MGAT4D: variants seen among roughly 807,000 people sequenced by gnomAD.
The protein encoded by MGAT4D is MGAT4 family member D.
MGAT4D carries 34 observed loss-of-function variants against 15.9 expected under a neutral mutation model. The observed-to-expected ratio is 2.14, with a 90% CI of 1.62 to 2.84. The LOEUF (loss-of-function observed/expected upper bound fraction) is 2.84. Among genes scored for constraint, MGAT4D ranks in the 30% most tolerant of loss-of-function variants. The pLI, the probability that MGAT4D is intolerant of heterozygous loss-of-function variation, is 0.00. For synonymous variants in MGAT4D, 112 were observed against 48.2 expected, an observed-to-expected ratio of 2.33 and a Z score of -5.49; for missense variants, 327 against 140.2, an observed-to-expected ratio of 2.33 and a Z score of -6.73.
At chr4:140,471,185 C>G (rs1157545122) in intron 5 of MGAT4D, among the ~76,000 whole-genome samples, 2 of 151,928 alleles carry the variant, frequency 1.3e-5, no homozygotes, top group African/African-American at 4.8e-5. Flanking sequence ...AGTCACCATG[C>G]CTGGCCCTCC....
intron 1 of MGAT4D, among the ~76,000 whole-genome samples, chr4:140,484,279 A>G (rs1192442751): frequency 3.3e-5 from 5 of 152,228 alleles, no homozygotes; most frequent in African/African-American, 1.2e-4. Flanking sequence ...ATGGCCAAGT[A>G]CATAAAAAAG....
intron 1 of MGAT4D, among the ~76,000 whole-genome samples, chr4:140,489,706 T>C (rs925403291): frequency 1.3e-5 from 2 of 152,232 alleles, no homozygotes; most frequent in African/African-American, 4.8e-5. Context: ...TCATTTTTAC[T>C]GATGTAAAAT....
At chr4:140,458,219 G>T (rs1212034899) in intron 8 of MGAT4D, 1 of 152,144 alleles carries the variant, frequency 6.6e-6, no homozygotes, top group East Asian at 1.9e-4. Flanking sequence ...AGCAATTAAG[G>T]TCTGCCACTC....
chr4:140,475,136 T>G (rs1732229319), intron 3 of MGAT4D, among the ~76,000 whole-genome samples, 190 bp from the exon 4 acceptor site: 1 of 152,172 alleles, frequency 6.6e-6, no homozygotes, highest in Admixed American at 6.6e-5. Context: ...TTTGAGGAAA[T>G]TTGCAGTGGA....
chr4:140,478,532 C>G (rs1365511146), intron 3 of MGAT4D, among the ~76,000 whole-genome samples: 1 of 152,126 alleles, frequency 6.6e-6, no homozygotes, highest in Non-Finnish European at 1.5e-5. Context: ...AGTATGAACT[C>G]AAGAAGTTTC....
Position 140,443,348 on chromosome 4 carries a change from T to C in MGAT4D, c.*88A>G. ...TACTTATCTGCTAGATAATTATGTATTTTCATTACTACAATTTCTGAAACA... is the reference window on the plus strand; with the variant it reads ...TACTTATCTGCTAGATAATTATGTACTTTCATTACTACAATTTCTGAAACA... On this transcript the variant is annotated 3_prime_UTR_variant, in exon 11 of 11. Transcript: ENST00000511113. 1 of 441,408 alleles carries C rather than the reference T, an allele frequency of 2.3e-6. No individual in the cohort carries two copies. The allele number at this position is 441,408 out of a possible 1,614,324, so 27.3% of individuals were successfully genotyped here.
At chr4:140,486,132 T>G (rs1178692703) in intron 1 of MGAT4D, among the ~76,000 whole-genome samples, 2 of 152,096 alleles carry the variant, frequency 1.3e-5, no homozygotes, top group Non-Finnish European at 2.9e-5. Flanking sequence ...CTGGCCTCCT[T>G]GCTGTTCCTC....
rs185279872 is a variant in MGAT4D at position 140,466,555 on chromosome 4, A to T, written c.573-1546T>A. On this transcript the variant is annotated intron_variant, in intron 5 of 10. Coordinates refer to ENST00000511113, the MANE Select transcript of MGAT4D (RefSeq NM_001277353.2). ...TTGATAAAATTTTTAAAAGAAATCAAATCATTAATACTCAATAATTTTAAT... is the reference window on the plus strand; with the variant it reads ...TTGATAAAATTTTTAAAAGAAATCATATCATTAATACTCAATAATTTTAAT... 5.3e-5 allele frequency among the ~76,000 whole-genome samples: 8 copies of T among 152,296 alleles called. No homozygotes were observed. In the East Asian group the frequency reaches 1.5e-3, roughly 29 times the overall value.
chr4:140,478,990 G>A (rs1732521511), intron 3 of MGAT4D, among the ~76,000 whole-genome samples: 1 of 152,110 alleles, frequency 6.6e-6, no homozygotes, highest in Non-Finnish European at 1.5e-5. Context: ...GAGGTTTATA[G>A]GAAAGGCAGG....
chr4:140,493,575 A>G (rs979798663), intron 1 of MGAT4D, among the ~76,000 whole-genome samples: 35 of 152,198 alleles, frequency 2.3e-4, no homozygotes, highest in African/African-American at 7.2e-4. Context: ...GATTACAGGC[A>G]TGAGCCACCG....
intron 9 of MGAT4D, among the ~76,000 whole-genome samples, chr4:140,452,626 C>A (rs1730542939): frequency 6.6e-6 from 1 of 152,024 alleles, no homozygotes; most frequent in Non-Finnish European, 1.5e-5. Context: ...GAGTTGCTTA[C>A]CTGTTTTGAG....
At chr4:140,459,380 G>T (rs914921394) in intron 8 of MGAT4D, 132 bp downstream of exon 8, 1 of 343,764 alleles carries the variant, frequency 2.9e-6, no homozygotes, top group Non-Finnish European at 5.3e-6. Flanking sequence ...ATACTGTTAA[G>T]ATAATAGTGT....
At chr4:140,489,771 A>G (rs1407865115) in intron 1 of MGAT4D, among the ~76,000 whole-genome samples, 4 of 152,228 alleles carry the variant, frequency 2.6e-5, no homozygotes, top group Admixed American at 1.3e-4. Flanking sequence ...TGTTGGTAAC[A>G]ATTATAAGAA....
chr4:140,449,813 C>T (rs1278281829), intron 10 of MGAT4D: 1 of 160,958 alleles, frequency 6.2e-6, no homozygotes, highest in Non-Finnish European at 1.3e-5. Context: ...AGTTAAAGAA[C>T]AAATTTTACC....
intron 1 of MGAT4D, among the ~76,000 whole-genome samples, chr4:140,493,290 T>C (rs975220466): frequency 7.3e-6 from 1 of 137,002 alleles, no homozygotes; most frequent in Admixed American, 7.0e-5. Context: ...TCCTTTACTT[T>C]TTTTTTTTTT....
intron 9 of MGAT4D, among the ~76,000 whole-genome samples, chr4:140,452,474 A>G (rs957722969): frequency 6.6e-6 from 1 of 152,166 alleles, no homozygotes; most frequent in Non-Finnish European, 1.5e-5. Context: ...ACAGTTTAGC[A>G]TATAAAATAA....
At chr4:140,459,484 G>C in intron 8 of MGAT4D, 28 bp downstream of exon 8, 1 of 428,674 alleles carries the variant, frequency 2.3e-6, no homozygotes, top group Non-Finnish European at 4.2e-6. Context: ...TAAAAAACTT[G>C]ATCCAACAAA....
At chr4:140,482,902 T>C (rs1732842476) in intron 1 of MGAT4D, among the ~76,000 whole-genome samples, 1 of 152,208 alleles carries the variant, frequency 6.6e-6, no homozygotes, top group East Asian at 1.9e-4. Flanking sequence ...TACACAGATT[T>C]GGACTAAGGA....
chr4:140,482,630 A>G, intron 1 of MGAT4D, 145 bp from the exon 2 acceptor site: 1 of 364,370 alleles, frequency 2.7e-6, no homozygotes, highest in Non-Finnish European at 4.8e-6. Context: ...ATACAGTACT[A>G]TATACATATA....
Sources: gnomAD v4.1 joint callset for allele counts (sites outside exome capture counted in the v4.1 genomes callset) on GRCh38, gnomAD v4.1.1 for gene constraint, MANE v1.5 for transcripts, NCBI Gene and HGNC (gene_info 2026-07-23, HGNC 2026-07-21) for gene names.